SNAP91: variants seen among roughly 807,000 people sequenced by gnomAD.
The protein encoded by SNAP91 is clathrin coat assembly protein AP180.
SNAP91 carries 27 observed loss-of-function variants against 100.3 expected under a neutral mutation model. That is an observed-to-expected ratio of 0.27 (90% CI 0.20 to 0.37). SNAP91 has a LOEUF of 0.37. Among genes scored for constraint, SNAP91 ranks in the 10% least tolerant of loss-of-function variants. SNAP91 has a pLI of 1.00. For missense variants in SNAP91, 986 were observed against 1,123.7 expected (o/e 0.88, Z 1.75); for synonymous variants, 404 against 398.6 (o/e 1.01, Z -0.16).
chr6:83,657,869 C>T (rs190183950), intron 6 of SNAP91, among the ~76,000 whole-genome samples: 29 of 150,876 alleles, frequency 1.9e-4, no homozygotes, highest in East Asian at 1.6e-3. Flanking sequence ...CAGGTTCAAG[C>T]GATCCTCCCA....
At chr6:83,611,983 A>G (rs1400366190) in intron 11 of SNAP91, among the ~76,000 whole-genome samples, 1 of 149,862 alleles carries the variant, frequency 6.7e-6, no homozygotes, top group Admixed American at 6.7e-5. Context: ...GGCCTCCCAA[A>G]GTGCTGGAAT....
In SNAP91 at chr6:83,560,134, G is replaced by C. The variant is rs1415684859; in HGVS notation, c.2601C>G (p.Pro867=). ...VMFAQPMMRP[P]FGAAAVPGTQ... The stretch of plus-strand genomic sequence containing the variant: ...TGCCAGGTACAGCGGCAGCTCCAAA[G>C]GGGGGCCTCATCATGGGCTGTGCAA... The change falls in exon 28 of 30, where the codon CCC becomes CCG. Residue 867 remains proline, a synonymous_variant. Transcript: ENST00000369694. 1.2e-6 allele frequency: 2 copies of C among 1,613,726 alleles called. No homozygotes were observed. The highest frequency in any genetic ancestry group is 1.7e-6 in the Non-Finnish European group (2 of 1,179,824).
At chr6:83,605,907 A>G in intron 13 of SNAP91, 104 bp from the exon 14 acceptor site, 1 of 973,042 alleles carries the variant, frequency 1.0e-6, no homozygotes, top group Non-Finnish European at 1.5e-6. Context: ...TAGGTATTTT[A>G]AATCCAATAA....
chr6:83,615,808 A>G (rs1403524506), intron 10 of SNAP91, among the ~76,000 whole-genome samples: 1 of 152,256 alleles, frequency 6.6e-6, no homozygotes, highest in Admixed American at 6.5e-5. Flanking sequence ...TAACATCAAG[A>G]CACAAGCCTA....
At chr6:83,568,843 A>G (rs1026314339) in intron 26 of SNAP91, among the ~76,000 whole-genome samples, 3 of 152,184 alleles carry the variant, frequency 2.0e-5, no homozygotes, top group African/African-American at 7.2e-5. Context: ...GATTACAAGG[A>G]AAATTTGGAA....
chr6:83,574,269 T>G (rs1007551469), intron 26 of SNAP91, among the ~76,000 whole-genome samples: 2 of 152,164 alleles, frequency 1.3e-5, no homozygotes, highest in African/African-American at 4.8e-5. Context: ...ATAGAAAAAT[T>G]ATACAGTTTG....
At chr6:83,693,222 C>T (rs1171071368) in intron 2 of SNAP91, among the ~76,000 whole-genome samples, 5 of 152,162 alleles carry the variant, frequency 3.3e-5, no homozygotes, top group Non-Finnish European at 5.9e-5. Flanking sequence ...TGGATAAATT[C>T]CTTAACCTCC....
At chr6:83,638,865 T>C (rs2097563613) in intron 8 of SNAP91, among the ~76,000 whole-genome samples, 1 of 152,222 alleles carries the variant, frequency 6.6e-6, no homozygotes, top group Non-Finnish European at 1.5e-5. Context: ...TTCCGATATC[T>C]ACCTTAGAAT....
At chr6:83,586,096 C>T (rs2128154189) in intron 22 of SNAP91, among the ~76,000 whole-genome samples, 1 of 152,250 alleles carries the variant, frequency 6.6e-6, no homozygotes, top group South Asian at 2.1e-4. Context: ...GATCTGCCCG[C>T]CTCGGCCTCA....
intron 8 of SNAP91, among the ~76,000 whole-genome samples, chr6:83,629,833 G>A (rs1295587751): frequency 6.6e-6 from 1 of 151,892 alleles, no homozygotes; most frequent in East Asian, 1.9e-4. Context: ...TTACCAATTT[G>A]GATGCCATTT....
intron 2 of SNAP91, among the ~76,000 whole-genome samples, chr6:83,685,198 C>T (rs999453323): frequency 9.2e-5 from 14 of 152,202 alleles, no homozygotes; most frequent in African/African-American, 3.1e-4. Flanking sequence ...CAGGTCACAC[C>T]CTCAGAGTAT....
chr6:83,615,721 C>T (rs146135879), intron 10 of SNAP91, among the ~76,000 whole-genome samples: 39 of 152,224 alleles, frequency 2.6e-4, no homozygotes, highest in African/African-American at 9.4e-4. Context: ...AAATTTAAAA[C>T]ACGCAATAAT....
chr6:83,662,255 A>C, intron 4 of SNAP91, 92 bp downstream of exon 4: 2 of 437,310 alleles, frequency 4.6e-6, no homozygotes, highest in Non-Finnish European at 8.3e-6. Context: ...TAAATATTCA[A>C]TGAAGCTATC....
At chr6:83,566,755 A>G (rs1425842304) in intron 26 of SNAP91, among the ~76,000 whole-genome samples, 1 of 152,180 alleles carries the variant, frequency 6.6e-6, no homozygotes, top group African/African-American at 2.4e-5. Flanking sequence ...TAGAGACTTT[A>G]CCAATCAGAA....
At chr6:83,630,066 G>A (rs2097144358) in intron 8 of SNAP91, among the ~76,000 whole-genome samples, 1 of 152,062 alleles carries the variant, frequency 6.6e-6, no homozygotes, top group Non-Finnish European at 1.5e-5. Context: ...ATAAACGGAT[G>A]CTGGAATTTG....
At chr6:83,635,538 T>C (rs533014232) in intron 8 of SNAP91, among the ~76,000 whole-genome samples, 2 of 152,286 alleles carry the variant, frequency 1.3e-5, no homozygotes, top group East Asian at 3.9e-4. Context: ...ATTGGGATGG[T>C]GGATCTTTTT....
chr6:83,638,768 C>A (rs776012657), intron 8 of SNAP91, among the ~76,000 whole-genome samples: 1 of 152,282 alleles, frequency 6.6e-6, no homozygotes, highest in Admixed American at 6.5e-5. Flanking sequence ...AACTTCTGAA[C>A]CACAATATCA....
chr6:83,708,434 C>A (rs556403683), intron 1 of SNAP91: 1 of 154,650 alleles, frequency 6.5e-6, no homozygotes, highest in African/African-American at 2.4e-5. Flanking sequence ...CTGGCTGCCT[C>A]CCTCCTCCTC....
At chr6:83,706,667 G>T (rs2099387090) in intron 2 of SNAP91, among the ~76,000 whole-genome samples, 1 of 152,206 alleles carries the variant, frequency 6.6e-6, no homozygotes, top group Admixed American at 6.5e-5. Context: ...TTTCTTAGCT[G>T]CACAAAGGAA....
Sources: allele counts gnomAD v4.1 joint callset (sites outside exome capture counted in the v4.1 genomes callset), GRCh38; gene constraint gnomAD v4.1.1; transcripts MANE v1.5; gene names NCBI Gene and HGNC (gene_info 2026-07-23, HGNC 2026-07-21).